STOML3: variants seen among roughly 807,000 people sequenced by gnomAD.
The protein encoded by STOML3 is stomatin like 3, also known as stomatin-like protein 3.
STOML3 carries 31 observed loss-of-function variants against 29.5 expected under a neutral mutation model. The ratio of observed to expected loss-of-function variants is 1.05; its 90% CI spans 0.79 to 1.42. The LOEUF (loss-of-function observed/expected upper bound fraction) is 1.42, where lower values mean the gene tolerates loss of function less well. STOML3 is among the 40% of genes most tolerant of loss of function. STOML3 has a pLI of 0.00. For missense variants in STOML3, 380 were observed against 363.0 expected (o/e 1.05, Z -0.38); for synonymous variants, 122 against 139.8 (o/e 0.87, Z 0.90).
At chr13:38,986,633 G>A (rs1471944693) in intron 1 of STOML3, among the ~76,000 whole-genome samples, 1 of 152,132 alleles carries the variant, frequency 6.6e-6, no homozygotes, top group Non-Finnish European at 1.5e-5. Context: ...GAAATCTAAA[G>A]GAAAACACGA....
intron 3 of STOML3, among the ~76,000 whole-genome samples, chr13:38,973,041 C>T (rs1383512839): frequency 2.2e-5 from 3 of 137,140 alleles, no homozygotes; most frequent in Non-Finnish European, 4.6e-5. Context: ...GGCAGATCAC[C>T]TGAGGTCAGG....
chr13:38,972,386 G>A (rs1228007760), intron 4 of STOML3, 126 bp downstream of exon 4: 13 of 843,350 alleles, frequency 1.5e-5, no homozygotes, highest in Non-Finnish European at 2.4e-5. Context: ...ATTCAAGCAG[G>A]TCTCTGCGGG....
At chr13:38,983,328 C>T (rs1881329886) in intron 1 of STOML3, among the ~76,000 whole-genome samples, 1 of 152,204 alleles carries the variant, frequency 6.6e-6, no homozygotes, top group Admixed American at 6.5e-5. Context: ...GTTCTGGCCT[C>T]TCTCCTCCAT....
chr13:38,985,676 A>T (rs976494398), intron 1 of STOML3, among the ~76,000 whole-genome samples: 2 of 152,060 alleles, frequency 1.3e-5, no homozygotes, highest in Non-Finnish European at 2.9e-5. Context: ...GGGATAATTA[A>T]GCAAATTATG....
chr13:38,968,664 G>T lies in STOML3; in HGVS notation c.517-130C>A, dbSNP rs1377457197. The T allele has an allele frequency of 1.2e-5, 13 of 1,087,078 alleles. No homozygotes were observed. In the East Asian group the frequency reaches 3.3e-4, roughly 28 times the overall value. The allele number at this position is 1,087,078 out of a possible 1,614,324, so 67.3% of individuals were successfully genotyped here. ...TTCTTTTGCATTTACAGCATTTGGA[G>T]TGAGACAATTTAGGAAGAGAATAAG... On this transcript the variant is annotated intron_variant, in intron 5 of 6. Coordinates refer to ENST00000379631, the MANE Select transcript of STOML3 (RefSeq NM_145286.3).
intron 6 of STOML3, among the ~76,000 whole-genome samples, chr13:38,967,711 G>A (rs1301836102): frequency 6.6e-6 from 1 of 152,172 alleles, no homozygotes; most frequent in Non-Finnish European, 1.5e-5. Context: ...CTGGAGCTTA[G>A]CAGATAAACC....
chr13:38,972,017 C>T (rs1266341640), intron 4 of STOML3, among the ~76,000 whole-genome samples: 1 of 152,170 alleles, frequency 6.6e-6, no homozygotes, highest in East Asian at 1.9e-4. Context: ...CTTATGCCTG[C>T]CCCCTCTATT....
intron 1 of STOML3, among the ~76,000 whole-genome samples, chr13:38,989,708 G>C (rs963933171): frequency 2.6e-5 from 4 of 152,032 alleles, no homozygotes; most frequent in African/African-American, 9.7e-5. Flanking sequence ...TTTTGCCCAG[G>C]CTGGTCTCGA....
intron 3 of STOML3, among the ~76,000 whole-genome samples, chr13:38,973,154 T>C (rs548652905): frequency 5.8e-5 from 8 of 137,718 alleles, no homozygotes; most frequent in African/African-American, 1.6e-4. Flanking sequence ...TGGTCACACA[T>C]GCCTGTAATC....
chr13:38,978,106 T>C (rs1177891243), intron 1 of STOML3, among the ~76,000 whole-genome samples: 1 of 151,908 alleles, frequency 6.6e-6, no homozygotes, highest in East Asian at 1.9e-4. Flanking sequence ...ACCCTTTTAA[T>C]TTAGAATTCT....
At chr13:38,979,465 C>A (rs1881199980) in intron 1 of STOML3, among the ~76,000 whole-genome samples, 2 of 152,216 alleles carry the variant, frequency 1.3e-5, no homozygotes, top group Admixed American at 1.3e-4. Flanking sequence ...AGACCCACTC[C>A]TATGTATTTA....
intron 1 of STOML3, among the ~76,000 whole-genome samples, chr13:38,985,911 C>CTTTTTT (rs1170409048): frequency 3.7e-3 from 318 of 85,590 alleles, no homozygotes; most frequent in Admixed American, 4.0e-3. Context: ...TCTTTTCTTT[C>CTTTTTT]TTTTTTTTTT....
At chr13:38,973,411 T>C (rs1475004788) in intron 3 of STOML3, among the ~76,000 whole-genome samples, 1 of 152,220 alleles carries the variant, frequency 6.6e-6, no homozygotes, top group Non-Finnish European at 1.5e-5. Flanking sequence ...GTTTATTTCA[T>C]ATAGTTCTGC....
Position 38,966,960 on chromosome 13 carries a change from C to T in STOML3, c.741G>A (p.Leu247=), listed in dbSNP as rs1432216360. ...VLAESPIALQ[L]RYLQTLSTVA... The stretch of plus-strand genomic sequence containing the variant: ...CCGTGCTCAAGGTCTGCAGGTAGCG[C>T]AGCTGGAGAGCTATGGGAGACTCAG... The change falls in exon 7 of 7, where the codon CTG becomes CTA. Residue 247 remains leucine (L), a synonymous_variant. Coordinates refer to ENST00000379631, the MANE Select transcript of STOML3 (RefSeq NM_145286.3). 7 of 1,613,878 alleles carry T rather than the reference C, an allele frequency of 4.3e-6. No individual in the cohort carries two copies. The highest frequency in any genetic ancestry group is 5.9e-6 in the Non-Finnish European group (7 of 1,180,030).
At chr13:38,977,555 T>G (rs1051479306) in intron 1 of STOML3, among the ~76,000 whole-genome samples, 1 of 152,154 alleles carries the variant, frequency 6.6e-6, no homozygotes, top group Non-Finnish European at 1.5e-5. Context: ...CCTTTCTAAC[T>G]TTTCATAAAA....
intron 1 of STOML3, among the ~76,000 whole-genome samples, chr13:38,988,844 A>G (rs991544781): frequency 7.4e-6 from 1 of 134,878 alleles, no homozygotes; most frequent in African/African-American, 3.1e-5. Context: ...TATAATACAT[A>G]ATATATATTA....
intron 3 of STOML3, 88 bp downstream of exon 3, chr13:38,976,452 T>G: frequency 1.4e-6 from 2 of 1,472,840 alleles, no homozygotes; most frequent in Non-Finnish European, 1.9e-6. Context: ...TGACTCTCAA[T>G]AGGCACCACC....
chr13:38,969,078 A>T (rs1219024129), intron 5 of STOML3, among the ~76,000 whole-genome samples: 2 of 152,172 alleles, frequency 1.3e-5, no homozygotes, highest in African/African-American at 4.8e-5. Flanking sequence ...CAATGACTCA[A>T]TGCATATTAT....
chr13:38,973,434 C>A (rs1880963365), intron 3 of STOML3, among the ~76,000 whole-genome samples: 1 of 152,136 alleles, frequency 6.6e-6, no homozygotes, highest in Non-Finnish European at 1.5e-5. Flanking sequence ...CCTGGGAAGT[C>A]CAAGATCAAG....
Sources: allele counts gnomAD v4.1 joint callset (sites outside exome capture counted in the v4.1 genomes callset), GRCh38; gene constraint gnomAD v4.1.1; transcripts MANE v1.5; gene names NCBI Gene and HGNC (gene_info 2026-07-23, HGNC 2026-07-21).